The following PAK3 variants were observed in gnomAD, a reference collection of about 807,000 sequenced individuals.
The protein encoded by PAK3 is p21 (RAC1) activated kinase 3.
PAK3 carries 4 observed loss-of-function variants against 41.0 expected under a neutral mutation model. The observed-to-expected ratio is 0.10, with a 90% CI of 0.05 to 0.22. PAK3 has a LOEUF of 0.22. PAK3 is among the 10% of genes least tolerant of loss of function. The pLI is 1.00. For missense variants in PAK3, 205 were observed against 409.9 expected (o/e 0.50, Z 4.32); for synonymous variants, 146 against 139.6 (o/e 1.05, Z -0.32).
At chrX:110,994,413 C>T (rs1311086241) in intron 1 of PAK3, among the ~76,000 whole-genome samples, 1 of 111,140 alleles carries the variant, frequency 9.0e-6, no homozygotes, top group East Asian at 2.8e-4. Context: ...CAAGATCAAG[C>T]CTTGAGGGAC....
At chrX:111,173,401 T>C (rs887247976) in intron 11 of PAK3, among the ~76,000 whole-genome samples, 11 of 111,259 alleles carry the variant, frequency 9.9e-5, no homozygotes, top group Non-Finnish European at 1.5e-4. Context: ...ACTTCTAGCT[T>C]ACGTAAAAAC....
rs140869060 is a variant in PAK3, at chrX:111,134,707, G to C, written c.176-7389G>C. Among the ~76,000 whole-genome samples, 287 of 111,531 alleles carry C rather than the reference G, an allele frequency of 2.6e-3. 1 individual carries two copies. The highest frequency in any genetic ancestry group is 9.1e-3 in the African/African-American group (281 of 30,757). ...TCAAGACTGAAGGAAGGGGTGGTTA[G>C]GGAAGGCTTCCTGGAGGAGAGGATT... On this transcript the variant is annotated intron_variant, in intron 5 of 17. Transcript: ENST00000372007.
chrX:111,136,747 A>G (rs1250091229), intron 5 of PAK3, among the ~76,000 whole-genome samples: 1 of 111,925 alleles, frequency 8.9e-6, no homozygotes, highest in African/African-American at 3.3e-5. Flanking sequence ...TATTCTGGAT[A>G]ATAAAAAGAT....
chrX:110,982,129 G>A (rs1297683785), intron 1 of PAK3, among the ~76,000 whole-genome samples: 1 of 111,861 alleles, frequency 8.9e-6, no homozygotes, highest in Non-Finnish European at 1.9e-5. Context: ...AAGGATTGAA[G>A]CTGAACAGAG....
intron 1 of PAK3, among the ~76,000 whole-genome samples, chrX:111,039,647 G>C (rs2092433841): frequency 1.8e-5 from 2 of 111,479 alleles, no homozygotes; most frequent in South Asian, 3.8e-4. Flanking sequence ...TGTAGACAAA[G>C]GGCAGTGAAA....
intron 5 of PAK3, among the ~76,000 whole-genome samples, chrX:111,127,557 C>T (rs893696354): frequency 3.6e-5 from 4 of 111,353 alleles, no homozygotes; most frequent in Non-Finnish European, 7.5e-5. Flanking sequence ...CAGTTTGCCA[C>T]CATTTTATGA....
At chrX:111,216,625 C>A in intron 17 of PAK3, 67 bp downstream of exon 17, 2 of 905,039 alleles carry the variant, frequency 2.2e-6, no homozygotes, top group Non-Finnish European at 3.2e-6. Flanking sequence ...CAATGTGTGA[C>A]AGAGAGCTCT....
chrX:110,972,582 T>C (rs1258464221), intron 1 of PAK3, among the ~76,000 whole-genome samples: 1 of 111,347 alleles, frequency 9.0e-6, no homozygotes, highest in Non-Finnish European at 1.9e-5. Flanking sequence ...AGACCAAAGG[T>C]AGATAAAACC....
chrX:110,958,915 G>A (rs1356147428), intron 1 of PAK3, among the ~76,000 whole-genome samples: 1 of 111,502 alleles, frequency 9.0e-6, no homozygotes, highest in Non-Finnish European at 1.9e-5. Flanking sequence ...TCTTGCCAAG[G>A]CATGGGACAT....
intron 1 of PAK3, among the ~76,000 whole-genome samples, chrX:110,999,610 A>G (rs1333894544): frequency 4.6e-5 from 5 of 108,858 alleles, no homozygotes; most frequent in Non-Finnish European, 7.6e-5. Flanking sequence ...TAATTTATAC[A>G]TGCAAGGTAT....
intron 5 of PAK3, among the ~76,000 whole-genome samples, chrX:111,132,518 G>A (rs2093733279): frequency 9.0e-6 from 1 of 110,787 alleles, no homozygotes; most frequent in South Asian, 3.9e-4. Context: ...TATGAGATAA[G>A]TGCACCTCCC....
intron 16 of PAK3, among the ~76,000 whole-genome samples, chrX:111,216,176 G>A (rs1187250278): frequency 9.0e-6 from 1 of 111,681 alleles, no homozygotes; most frequent in Admixed American, 9.5e-5. Context: ...AACTCTCAGA[G>A]GACAACCATA....
intron 4 of PAK3, among the ~76,000 whole-genome samples, chrX:111,120,316 T>C (rs774116596): frequency 5.4e-5 from 6 of 111,809 alleles, no homozygotes; most frequent in African/African-American, 6.5e-5. Context: ...GTTTGAGTTT[T>C]AGATCCCAAG....
intron 17 of PAK3, among the ~76,000 whole-genome samples, chrX:111,218,895 GA>G (rs2094903775): frequency 9.0e-6 from 1 of 110,878 alleles, no homozygotes; most frequent in African/African-American, 3.3e-5. Context: ...GAAAAAGCAA[GA>G]GATGGCCAGA....
intron 6 of PAK3, among the ~76,000 whole-genome samples, chrX:111,143,137 A>G (rs1478964147): frequency 1.8e-5 from 2 of 111,146 alleles, no homozygotes; most frequent in Non-Finnish European, 3.8e-5. Flanking sequence ...GGCATTTCAA[A>G]AAAAATCTTT....
At chrX:110,973,019 G>C (rs1414892775) in intron 1 of PAK3, among the ~76,000 whole-genome samples, 1 of 111,637 alleles carries the variant, frequency 9.0e-6, no homozygotes, top group Admixed American at 9.5e-5. Flanking sequence ...AGAGAAAAAA[G>C]AGTAAAAAGA....
In PAK3 at chrX:111,098,468, A is replaced by G. The variant is rs773281116; in HGVS notation, c.-176+784A>G. The stretch of plus-strand genomic sequence containing the variant: ...CCTGAATTCTCTGGTGAGATAGGCA[A>G]CTCTGGAGGTTGAGGCAGCTGTAGC... On this transcript the variant is annotated intron_variant, in intron 3 of 17. Coordinates refer to ENST00000372007, the MANE Select transcript of PAK3 (RefSeq NM_002578.5). 8 of 111,363 alleles carry G rather than the reference A, an allele frequency of 7.2e-5. No homozygotes were observed. In the East Asian group the frequency reaches 1.7e-3, roughly 24 times the overall value. The allele number at this position is 111,363 out of a possible 1,213,427, so 9.2% of individuals were successfully genotyped here.
intron 1 of PAK3, among the ~76,000 whole-genome samples, chrX:111,031,378 A>T (rs1292348062): frequency 8.9e-6 from 1 of 111,746 alleles, no homozygotes; most frequent in Non-Finnish European, 1.9e-5. Context: ...AGAGAAAAGG[A>T]AACAAATGAA....
At chrX:111,081,371 G>A (rs1347897786) in intron 1 of PAK3, among the ~76,000 whole-genome samples, 1 of 110,774 alleles carries the variant, frequency 9.0e-6, no homozygotes, top group African/African-American at 3.3e-5. Context: ...TTCACCAGGC[G>A]TGGTGGCACA....
Sources: gnomAD v4.1 joint callset for allele counts (sites outside exome capture counted in the v4.1 genomes callset) on GRCh38, gnomAD v4.1.1 for gene constraint, MANE v1.5 for transcripts, NCBI Gene and HGNC (gene_info 2026-07-23, HGNC 2026-07-21) for gene names.